BMAL2: variants seen among roughly 807,000 people sequenced by gnomAD.
The protein encoded by BMAL2 is basic helix-loop-helix ARNT like 2.
the BMAL2 span, among the ~76,000 whole-genome samples, chr12:27,339,105 C>T: frequency 0.93 from 141,816 of 152,292 alleles, 66,073 homozygotes; most frequent in East Asian, 1. Flanking sequence ...ATCCTCTCCC[C>T]TCTCCAACCT....
chr12:27,333,552 C>T, the BMAL2 span, among the ~76,000 whole-genome samples: 10 of 152,248 alleles, frequency 6.6e-5, no homozygotes, highest in African/African-American at 1.2e-4. Flanking sequence ...TCAGCAGCCT[C>T]GGACCTAGCC....
chr12:27,357,261 A>G, the BMAL2 span, among the ~76,000 whole-genome samples: 1 of 152,264 alleles, frequency 6.6e-6, no homozygotes, highest in East Asian at 1.9e-4. Flanking sequence ...TCCTCTTGGT[A>G]GATACCTAGT....
chr12:27,408,391 T>C, the BMAL2 span, among the ~76,000 whole-genome samples: 25 of 152,094 alleles, frequency 1.6e-4, no homozygotes, highest in Non-Finnish European at 2.8e-4. Context: ...AAAGCTTATC[T>C]ACCATGATCA....
chr12:27,345,670 C>G, the BMAL2 span, among the ~76,000 whole-genome samples: 1 of 151,820 alleles, frequency 6.6e-6, no homozygotes, highest in African/African-American at 2.4e-5. Context: ...AATTTTTGTA[C>G]TTTTGTTTTT....
the BMAL2 span, among the ~76,000 whole-genome samples, chr12:27,393,779 G>C: frequency 3.3e-5 from 5 of 152,208 alleles, no homozygotes; most frequent in Admixed American, 3.3e-4. Context: ...GGAGCAGGTA[G>C]ACAAGTACTG....
chr12:27,371,305 G>A, the BMAL2 span, among the ~76,000 whole-genome samples: 2 of 152,166 alleles, frequency 1.3e-5, no homozygotes, highest in East Asian at 3.8e-4. Context: ...CTATGGTCAC[G>A]CCACTGCATT....
chr12:27,346,366 T>C, the BMAL2 span, among the ~76,000 whole-genome samples: 18 of 152,180 alleles, frequency 1.2e-4, no homozygotes, highest in Admixed American at 3.9e-4. Context: ...GTTCAAGCGA[T>C]TCTCCTGTGT....
chr12:27,359,332 A>T, the BMAL2 span, among the ~76,000 whole-genome samples: 1 of 152,108 alleles, frequency 6.6e-6, no homozygotes, highest in Admixed American at 6.5e-5. Context: ...CATCTTTCAG[A>T]TTCTCTTTTG....
chr12:27,332,985 G>C, the BMAL2 span: 4 of 1,082,960 alleles, frequency 3.7e-6, no homozygotes, highest in Non-Finnish European at 4.6e-6. Context: ...CTGCTCCAGA[G>C]CCGCCGCCTG....
chr12:27,355,010 A>G, the BMAL2 span, among the ~76,000 whole-genome samples: 2 of 152,194 alleles, frequency 1.3e-5, no homozygotes, highest in Non-Finnish European at 2.9e-5. Context: ...TTAACTAAAG[A>G]GACATTATGG....
At chr12:27,381,621 A>G in the BMAL2 span, among the ~76,000 whole-genome samples, 3 of 152,126 alleles carry the variant, frequency 2.0e-5, no homozygotes, top group Non-Finnish European at 4.4e-5. Flanking sequence ...AGCACTGGGG[A>G]TTATTATTCG....
the BMAL2 span, among the ~76,000 whole-genome samples, chr12:27,391,098 G>A: frequency 6.6e-6 from 1 of 152,224 alleles, no homozygotes; most frequent in South Asian, 2.1e-4. Context: ...TTTAGATACA[G>A]GGACTACATG....
chr12:27,360,003 A>C, the BMAL2 span, among the ~76,000 whole-genome samples: 23 of 144,276 alleles, frequency 1.6e-4, no homozygotes, highest in African/African-American at 5.1e-4. Context: ...CAGTGAGCTG[A>C]GATTGTGCCG....
chr12:27,382,937 T>C, the BMAL2 span, among the ~76,000 whole-genome samples: 2 of 152,334 alleles, frequency 1.3e-5, no homozygotes, highest in East Asian at 3.9e-4. Context: ...ACAGCAATGT[T>C]ATGTTTTTAT....
chr12:27,337,740 CT>C, the BMAL2 span, among the ~76,000 whole-genome samples: 1 of 152,172 alleles, frequency 6.6e-6, no homozygotes, highest in Non-Finnish European at 1.5e-5. Context: ...AATTTTAAAA[CT>C]TCTCTGAGCC....
At chr12:27,385,426 A>C in the BMAL2 span, 1 of 1,114,850 alleles carries the variant, frequency 9.0e-7, no homozygotes, top group Non-Finnish European at 1.4e-6. Flanking sequence ...ATGTTCATTA[A>C]GCATTTTGCC....
chr12:27,384,857 C>G, the BMAL2 span, among the ~76,000 whole-genome samples: 1 of 152,084 alleles, frequency 6.6e-6, no homozygotes. Context: ...CCACAGCTAA[C>G]GGGGGACTAC....
chr12:27,400,715 A>T, the BMAL2 span: 1 of 1,613,450 alleles, frequency 6.2e-7, no homozygotes, highest in East Asian at 2.2e-5. Flanking sequence ...TTAATGTGAA[A>T]CCAACTGAAT....
chr12:27,418,114 A>G, the BMAL2 span: 2 of 1,613,116 alleles, frequency 1.2e-6, no homozygotes, highest in East Asian at 2.2e-5. Context: ...TGTTTCCACC[A>G]AGTCCTTCTG....
Sources: allele counts gnomAD v4.1 joint callset (sites outside exome capture counted in the v4.1 genomes callset), GRCh38; gene constraint gnomAD v4.1.1; transcripts MANE v1.5; gene names NCBI Gene and HGNC (gene_info 2026-07-23, HGNC 2026-07-21).